Variants in ZYG11B observed in about 807,000 individuals in gnomAD.
The protein encoded by ZYG11B is zyg-11 family member B, cell cycle regulator, also known as protein zyg-11 homolog B.
In ZYG11B, 36 loss-of-function variants were observed where a neutral mutation model predicts 82.4. That is an observed-to-expected ratio of 0.44 (90% CI 0.33 to 0.58). The LOEUF (loss-of-function observed/expected upper bound fraction) is 0.58. Ranked by LOEUF, ZYG11B falls within the 20% of genes least tolerant of loss-of-function variation. The probability of loss-of-function intolerance (pLI) is 0.02; values close to 1 mark genes in which losing one functional copy is unlikely to be tolerated. For missense variants in ZYG11B, 552 were observed against 895.6 expected (o/e 0.62, Z 4.90); for synonymous variants, 303 against 312.8 (o/e 0.97, Z 0.33).
intron 12 of ZYG11B, among the ~76,000 whole-genome samples, chr1:52,815,141 G>A (rs1042936974): frequency 2.0e-5 from 3 of 152,044 alleles, no homozygotes. Flanking sequence ...CTGGGTGACA[G>A]AATGAGACTC....
At chr1:52,802,338 CTCT>C (rs1645082150) in intron 10 of ZYG11B, among the ~76,000 whole-genome samples, 199 bp downstream of exon 10, 3 of 131,890 alleles carry the variant, frequency 2.3e-5, no homozygotes, top group South Asian at 2.4e-4. Context: ...CTTTCTTTCT[CTCT>C]TTTTTTTTTT....
chr1:52,798,215 G>T (rs1645044872), intron 8 of ZYG11B, among the ~76,000 whole-genome samples: 1 of 152,104 alleles, frequency 6.6e-6, no homozygotes, highest in Non-Finnish European at 1.5e-5. Flanking sequence ...AACAGAAATG[G>T]AAAAAGCCCT....
Position 52,776,229 on chromosome 1 carries a change from A to ATATATATATATATATATATATAT in ZYG11B, c.952-3624_952-3623insTATATATATATATATATATATAT, listed in dbSNP as rs1553260250. Among the ~76,000 whole-genome samples the ATATATATATATATATATATATAT allele has an allele frequency of 1.4e-3, 33 of 23,542 alleles. 2 individuals carry two copies. Among genetic ancestry groups the ATATATATATATATATATATATAT allele is most frequent in the Non-Finnish European group, 2.9e-3 (25 of 8,662 alleles). 15.4% of individuals were successfully genotyped at this position (23,542 alleles called of 152,430 possible). On this transcript the variant is annotated intron_variant, in intron 3 of 13. Transcript: ENST00000294353. Reference sequence around the variant, plus strand: ...AGCAAAACTCTGTCTTAAAAAAAAAAATATATATATATATATGCAATAAAG... The same window carrying ATATATATATATATATATATATAT: ...AGCAAAACTCTGTCTTAAAAAAAAAATATATATATATATATATATATATATATATATATATATATGCAATAAAG...
chr1:52,776,229 A>AAAAAAAAAAAAAATATATATATATATAT, intron 3 of ZYG11B, among the ~76,000 whole-genome samples: 4 of 23,530 alleles, frequency 1.7e-4, no homozygotes, highest in African/African-American at 3.8e-4. Context: ...TAAAAAAAAA[A>AAAAAAAAAAAAAATATATATATATATAT]ATATATATAT....
chr1:52,726,628 G>T lies in ZYG11B; in HGVS notation c.-26G>T. 7.0e-7 allele frequency: 1 copy of T among 1,434,388 alleles called. No homozygotes were observed. 88.9% of individuals were successfully genotyped at this position (1,434,388 alleles called of 1,614,324 possible). On this transcript the variant is annotated 5_prime_UTR_variant, in exon 1 of 14. Coordinates refer to ENST00000294353, the MANE Select transcript of ZYG11B (RefSeq NM_024646.3). The stretch of plus-strand genomic sequence containing the variant: ...CTGGGGGCGGGCTCCGGTCCGGCCC[G>T]CCGCCGCACCCAGGACGGAGGCTGC...
rs767784780 is a variant in ZYG11B at position 52,784,862 on chromosome 1, A to AT, written c.1093-5dup. On this transcript the variant is annotated splice_polypyrimidine_tract_variant and intron_variant, in intron 4 of 13. Transcript: ENST00000294353. ...TTTATAAGGTGAATTAAGAGGACTAATTTTTTTTTTCCAGCTTGTGGTTAC... is the reference window on the plus strand; with the variant it reads ...TTTATAAGGTGAATTAAGAGGACTAATTTTTTTTTTTCCAGCTTGTGGTTAC... The AT allele has an allele frequency of 5.5e-4, 840 of 1,520,228 alleles. No homozygotes were observed. Among genetic ancestry groups the AT allele is most frequent in the Middle Eastern group, 1.0e-3 (6 of 5,764 alleles). The allele number at this position is 1,520,228 out of a possible 1,614,324, so 94.2% of individuals were successfully genotyped here. A position where few individuals can be genotyped will look rare whatever the true frequency, so the allele number is the denominator to read the frequency against.
At chr1:52,746,122 T>C (rs1056477621) in intron 1 of ZYG11B, among the ~76,000 whole-genome samples, 1 of 152,072 alleles carries the variant, frequency 6.6e-6, no homozygotes, top group African/African-American at 2.4e-5. Context: ...CACGCCCAGC[T>C]AATTTTTTGT....
intron 1 of ZYG11B, among the ~76,000 whole-genome samples, chr1:52,728,912 G>A (rs1644307144): frequency 6.6e-6 from 1 of 152,056 alleles, no homozygotes; most frequent in Non-Finnish European, 1.5e-5. Context: ...TGCATTGTAG[G>A]AAGTAGTATT....
At chr1:52,819,218 C>T (rs1467249512) in intron 13 of ZYG11B, among the ~76,000 whole-genome samples, 5 of 152,108 alleles carry the variant, frequency 3.3e-5, no homozygotes, top group Non-Finnish European at 7.4e-5. Flanking sequence ...ACCTGAACTC[C>T]CACCTGGAGG....
chr1:52,783,860 G>T (rs867320504), intron 4 of ZYG11B, among the ~76,000 whole-genome samples: 11 of 142,462 alleles, frequency 7.7e-5, no homozygotes, highest in Non-Finnish European at 1.6e-4. Context: ...ACGTGTGTGT[G>T]TATGTACATA....
intron 3 of ZYG11B, among the ~76,000 whole-genome samples, chr1:52,777,067 G>A (rs1460666852): frequency 1.3e-5 from 2 of 151,890 alleles, no homozygotes; most frequent in Non-Finnish European, 2.9e-5. Flanking sequence ...AAAATTAGCC[G>A]GGCGTGGTGG....
intron 4 of ZYG11B, among the ~76,000 whole-genome samples, chr1:52,783,882 A>ATGTACATACACGTGTTTGTG (rs74208826): frequency 7.9e-6 from 1 of 126,012 alleles, no homozygotes; most frequent in Admixed American, 7.9e-5. Context: ...ACGTGTGTGT[A>ATGTACATACACGTGTTTGTG]TATGTACATA....
chr1:52,767,277 T>C (rs929081937), intron 2 of ZYG11B, among the ~76,000 whole-genome samples: 3 of 148,648 alleles, frequency 2.0e-5, no homozygotes, highest in African/African-American at 5.0e-5. Context: ...TTTGTTATTT[T>C]ATTTTATGTT....
rs1325381527 is a variant in ZYG11B, at chr1:52,726,471, C to T, written c.-183C>T. 1.5e-5 allele frequency: 8 copies of T among 523,768 alleles called. No homozygotes were observed. Among genetic ancestry groups the T allele is most frequent in the South Asian group, 6.3e-5 (1 of 15,972 alleles). The allele number at this position is 523,768 out of a possible 1,614,324, so 32.4% of individuals were successfully genotyped here. A position where few individuals can be genotyped will look rare whatever the true frequency, so the allele number is the denominator to read the frequency against. ...CGGGGGCGGAGTCTGCGCTCTGGTT[C>T]GGGCTGCGGCTGCGGCTGCGGCTGC... On this transcript the variant is annotated 5_prime_UTR_variant, in exon 1 of 14. Coordinates refer to ENST00000294353, the MANE Select transcript of ZYG11B (RefSeq NM_024646.3).
At chr1:52,742,669 C>A in intron 1 of ZYG11B, among the ~76,000 whole-genome samples, 1 of 151,792 alleles carries the variant, frequency 6.6e-6, no homozygotes, top group East Asian at 1.9e-4. Flanking sequence ...GGTGAAGCCT[C>A]GTCTCTACTA....
intron 3 of ZYG11B, among the ~76,000 whole-genome samples, chr1:52,776,080 G>C (rs112134068): frequency 0.14 from 21,362 of 147,568 alleles, 3,107 homozygotes; most frequent in African/African-American, 0.38. Flanking sequence ...TTAGCCGGGC[G>C]TGGTGGCGCA....
chr1:52,785,338 TG>T (rs1432586677), intron 5 of ZYG11B, among the ~76,000 whole-genome samples: 1 of 152,254 alleles, frequency 6.6e-6, no homozygotes, highest in African/African-American at 2.4e-5. Context: ...GGATCTGTTC[TG>T]GGCTAGGCAC....
rs544821720 is a variant in ZYG11B at position 52,747,561 on chromosome 1, C to A, written c.31-8897C>A. Among the ~76,000 whole-genome samples the A allele has an allele frequency of 4.6e-5, 7 of 152,172 alleles. No individual in the cohort carries two copies. In the South Asian group the frequency reaches 1.2e-3, roughly 27 times the overall value. Reference sequence around the variant, plus strand: ...ACTGGGAAAGTTCCTTTACCACTCTCTTAATTTGAACTCACTCTTTTTTTT... The same window carrying A: ...ACTGGGAAAGTTCCTTTACCACTCTATTAATTTGAACTCACTCTTTTTTTT... On this transcript the variant is annotated intron_variant, in intron 1 of 13. Coordinates refer to ENST00000294353, the MANE Select transcript of ZYG11B (RefSeq NM_024646.3).
intron 5 of ZYG11B, among the ~76,000 whole-genome samples, chr1:52,786,740 C>T (rs1644915889): frequency 6.6e-6 from 1 of 152,056 alleles, no homozygotes; most frequent in Non-Finnish European, 1.5e-5. Context: ...GTGATCAAGC[C>T]ACTGTACTCC....
Sources: allele counts gnomAD v4.1 joint callset (sites outside exome capture counted in the v4.1 genomes callset), GRCh38; gene constraint gnomAD v4.1.1; transcripts MANE v1.5; gene names NCBI Gene and HGNC (gene_info 2026-07-23, HGNC 2026-07-21).